Variants in MYRFL observed in about 807,000 individuals in gnomAD.
The protein encoded by MYRFL is myelin regulatory factor like.
Under a neutral mutation model 109.4 loss-of-function variants are expected in MYRFL, and 88 were observed. The observed-to-expected ratio is 0.80, with a 90% CI of 0.68 to 0.96. The LOEUF (loss-of-function observed/expected upper bound fraction) is 0.96, where lower values mean the gene tolerates loss of function less well. Among genes scored for constraint, MYRFL ranks in the 40% least tolerant of loss-of-function variants. The pLI, the probability that MYRFL is intolerant of heterozygous loss-of-function variation, is 0.00. For missense variants in MYRFL, 957 were observed against 954.9 expected, an observed-to-expected ratio of 1.00 and a Z score of -0.03; for synonymous variants, 324 against 320.9, an observed-to-expected ratio of 1.01 and a Z score of -0.10.
Position 69,958,256 on chromosome 12 carries a change from A to G in MYRFL, c.2579A>G (p.Gln860Arg), listed in dbSNP as rs1956137776. 2 of 1,536,026 alleles carry G rather than the reference A, an allele frequency of 1.3e-6. No homozygotes were observed. The highest frequency in any genetic ancestry group is 2.0e-5 in the Admixed American group (1 of 50,990). ...EISQEMTQGY[Q>R]HIWSLPVAPF... The stretch of plus-strand genomic sequence containing the variant: ...CTTTTATTCACTATTTAGGGATATC[A>G]GCACATTTGGAGCCTCCCTGTAGCC... The change falls in exon 24 of 25, where the codon CAG becomes CGG. Residue 860 changes from glutamine (Q) to arginine (R), a missense_variant. Transcript: ENST00000552032.
chr12:69,902,483 G>T (rs1289463179), intron 10 of MYRFL, among the ~76,000 whole-genome samples: 1 of 152,066 alleles, frequency 6.6e-6, no homozygotes, highest in Non-Finnish European at 1.5e-5. Context: ...CATTGTTATT[G>T]GTTTCCTGAG....
chr12:69,923,448 G>T (rs1954971311), intron 13 of MYRFL, among the ~76,000 whole-genome samples: 1 of 152,078 alleles, frequency 6.6e-6, no homozygotes, highest in Non-Finnish European at 1.5e-5. Flanking sequence ...AAATATATCA[G>T]AAATTAATAG....
intron 2 of MYRFL, among the ~76,000 whole-genome samples, chr12:69,869,811 A>G (rs918552068): frequency 1.3e-5 from 2 of 152,214 alleles, no homozygotes; most frequent in Non-Finnish European, 2.9e-5. Context: ...TCATGAGCAC[A>G]GTAGGCACTC....
In MYRFL at chr12:69,879,456, AAAG is replaced by A. The variant is rs1278371237; in HGVS notation, c.464+6_464+8del. On this transcript the variant is annotated splice_donor_5th_base_variant and intron_variant, in intron 4 of 24. Coordinates refer to ENST00000552032, the MANE Select transcript of MYRFL (RefSeq NM_182530.3). The stretch of plus-strand genomic sequence containing the variant: ...CAGCCTCTGTGTCACAGCCCTGGGT[AAAG>A]AAAAAGATATTTAGTTATCAAAGAC... 9 of 699,622 alleles carry A rather than the reference AAAG, an allele frequency of 1.3e-5. No homozygotes were observed. The highest frequency in any genetic ancestry group is 2.3e-5 in the Non-Finnish European group (9 of 383,196). 43.3% of individuals were successfully genotyped at this position (699,622 alleles called of 1,614,324 possible).
chr12:69,922,238 A>G (rs937552100), intron 13 of MYRFL, among the ~76,000 whole-genome samples: 1 of 152,172 alleles, frequency 6.6e-6, no homozygotes, highest in Non-Finnish European at 1.5e-5. Flanking sequence ...ATTATAGTAT[A>G]AGGCTCTCTA....
At chr12:69,870,099 C>CTTTTTT (rs754843682) in intron 2 of MYRFL, among the ~76,000 whole-genome samples, 12 of 81,328 alleles carry the variant, frequency 1.5e-4, no homozygotes, top group African/African-American at 4.1e-4. Flanking sequence ...ATTTTTCTTC[C>CTTTTTT]TTTTTTTTTT....
chr12:69,943,863 A>T (rs1422399171), intron 19 of MYRFL, among the ~76,000 whole-genome samples: 8 of 152,202 alleles, frequency 5.3e-5, no homozygotes, highest in African/African-American at 1.9e-4. Context: ...CCCATCAAAA[A>T]GTGGATGAAG....
chr12:69,849,974 A>G (rs1883785502), intron 1 of MYRFL, among the ~76,000 whole-genome samples: 1 of 152,162 alleles, frequency 6.6e-6, no homozygotes, highest in African/African-American at 2.4e-5. Flanking sequence ...CTCATCTTGT[A>G]GCTCCCATAA....
chr12:69,947,115 G>C (rs1040575099), intron 19 of MYRFL: 1 of 152,056 alleles, frequency 6.6e-6, no homozygotes, highest in East Asian at 1.9e-4. Context: ...GAGAAGTCTA[G>C]GAAAGTATTC....
intron 13 of MYRFL, among the ~76,000 whole-genome samples, chr12:69,917,291 G>T: frequency 6.6e-6 from 1 of 151,706 alleles, no homozygotes; most frequent in East Asian, 1.9e-4. Flanking sequence ...CACCCCCTCG[G>T]TTGGGCCTGT....
intron 5 of MYRFL, among the ~76,000 whole-genome samples, chr12:69,880,816 A>G (rs533562000): frequency 6.6e-5 from 10 of 152,150 alleles, no homozygotes; most frequent in Non-Finnish European, 1.5e-4. Context: ...TTTCCACTAG[A>G]ACAGGGAGGT....
At chr12:69,924,190 G>GAAAAAAAAAAAAAAAA (rs543542332) in intron 13 of MYRFL, among the ~76,000 whole-genome samples, 1 of 79,876 alleles carries the variant, frequency 1.3e-5, no homozygotes. Context: ...CTCCGTCTCA[G>GAAAAAAAAAAAAAAAA]AAAAAAAAAA....
intron 1 of MYRFL, among the ~76,000 whole-genome samples, chr12:69,852,408 G>C (rs1883927238): frequency 6.6e-6 from 1 of 151,128 alleles, no homozygotes; most frequent in African/African-American, 2.4e-5. Flanking sequence ...TTTTTTCCTA[G>C]TATATGTATC....
In MYRFL at chr12:69,926,679, C is replaced by T. The variant is rs559609709; in HGVS notation, c.1711C>T (p.Arg571Trp). ...AGAAATATGGAACAGAAAGCTGGCC[C>T]GGCTAAAGCGGCTCAGTAGTTGGAA... Reference protein sequence around the residue: ...ELEIWNRKLARLKRLSSWKSS... With the variant: ...ELEIWNRKLAWLKRLSSWKSS... Residue 571 changes from arginine to tryptophan, a missense_variant, in exon 14 of 25, where the codon CGG becomes TGG. By Grantham distance (101) the Arg-to-Trp change is moderately radical. Coordinates refer to ENST00000552032, the MANE Select transcript of MYRFL (RefSeq NM_182530.3). 2.7e-4 allele frequency: 409 copies of T among 1,521,394 alleles called. No homozygotes were observed. The highest frequency in any genetic ancestry group is 3.3e-4 in the Non-Finnish European group (374 of 1,138,358). 94.2% of individuals were successfully genotyped at this position (1,521,394 alleles called of 1,614,324 possible).
intron 13 of MYRFL, among the ~76,000 whole-genome samples, chr12:69,911,430 G>T (rs1674565): frequency 3.4e-4 from 52 of 152,096 alleles, no homozygotes; most frequent in Non-Finnish European, 6.8e-4. Context: ...TTGATGAAAC[G>T]GTGTTTGACT....
chr12:69,910,566 G>A (rs1054439188), intron 12 of MYRFL, among the ~76,000 whole-genome samples: 29 of 147,932 alleles, frequency 2.0e-4, no homozygotes, highest in African/African-American at 6.8e-4. Context: ...TCAAGCCAAC[G>A]CCCCATCTTT....
chr12:69,932,038 G>C (rs531272368), intron 15 of MYRFL, among the ~76,000 whole-genome samples: 52 of 152,318 alleles, frequency 3.4e-4, no homozygotes, highest in Non-Finnish European at 6.3e-4. Flanking sequence ...AAAGTGTTTA[G>C]TGGGATTTCA....
At chr12:69,903,982 A>G (rs1312150883) in intron 11 of MYRFL, 138 bp downstream of exon 11, 14 of 730,720 alleles carry the variant, frequency 1.9e-5, no homozygotes, top group Admixed American at 3.2e-5. Context: ...ACTGCTTAAA[A>G]ATGATGACTG....
At chr12:69,897,030 C>A in intron 9 of MYRFL, 126 bp from the exon 10 acceptor site, 1 of 688,146 alleles carries the variant, frequency 1.5e-6, no homozygotes, top group African/African-American at 1.8e-5. Flanking sequence ...AGGGAAAAGG[C>A]AGTCTTTAAA....
Sources: gnomAD v4.1 joint callset for allele counts (sites outside exome capture counted in the v4.1 genomes callset) on GRCh38, gnomAD v4.1.1 for gene constraint, MANE v1.5 for transcripts, NCBI Gene and HGNC (gene_info 2026-07-23, HGNC 2026-07-21) for gene names.